KCND2: variants seen among roughly 807,000 people sequenced by gnomAD.
The protein encoded by KCND2 is potassium voltage-gated channel subfamily D member 2.
In KCND2, 16 loss-of-function variants were observed where a neutral mutation model predicts 54.4. The ratio of observed to expected loss-of-function variants is 0.29; its 90% CI spans 0.20 to 0.45. The LOEUF (loss-of-function observed/expected upper bound fraction) is 0.45. KCND2 is among the 20% of genes least tolerant of loss of function. The probability of loss-of-function intolerance (pLI) is 1.00; values close to 1 mark genes in which losing one functional copy is unlikely to be tolerated. For missense variants in KCND2, 486 were observed against 824.2 expected (o/e 0.59, Z 5.02); for synonymous variants, 317 against 310.7 (o/e 1.02, Z -0.21).
intron 1 of KCND2, among the ~76,000 whole-genome samples, chr7:120,436,861 C>T (rs945762528): frequency 1.3e-5 from 2 of 152,188 alleles, no homozygotes; most frequent in Non-Finnish European, 2.9e-5. Flanking sequence ...TGTCTCAGCC[C>T]ACATGCCCAG....
At chr7:120,676,965 C>A (rs772200969) in intron 1 of KCND2, among the ~76,000 whole-genome samples, 1 of 151,634 alleles carries the variant, frequency 6.6e-6, no homozygotes, top group Non-Finnish European at 1.5e-5. Context: ...AACCTGAGAT[C>A]ATAAAATCAT....
intron 1 of KCND2, among the ~76,000 whole-genome samples, chr7:120,511,230 A>C (rs1213705106): frequency 6.6e-6 from 1 of 152,034 alleles, no homozygotes; most frequent in Non-Finnish European, 1.5e-5. Flanking sequence ...CGTCTTATCA[A>C]GGAGATCTTC....
chr7:120,704,079 A>G (rs1792435720), intron 1 of KCND2, among the ~76,000 whole-genome samples: 1 of 152,204 alleles, frequency 6.6e-6, no homozygotes, highest in South Asian at 2.1e-4. Context: ...TTTATCTCAC[A>G]TAATAATGAC....
At chr7:120,474,032 C>A (rs527465595) in intron 1 of KCND2, among the ~76,000 whole-genome samples, 2 of 152,154 alleles carry the variant, frequency 1.3e-5, no homozygotes, top group African/African-American at 4.8e-5. Flanking sequence ...TCTAATGGTG[C>A]GTCTTGCAGG....
rs145708739 is a variant in KCND2, at chr7:120,733,797, C to G, written c.1278+732C>G. Among the ~76,000 whole-genome samples the G allele has an allele frequency of 2.8e-3, 433 of 151,978 alleles. 6 individuals are homozygous for G. Among genetic ancestry groups the G allele is most frequent in the African/African-American group, 9.9e-3 (410 of 41,476 alleles). ...TTAATCCCTCTAAGAATAAGCATAG[C>G]GTACACTCAACTGTAAAATGGGGAA... is the stretch of plus-strand genomic sequence containing the variant. On this transcript the variant is annotated intron_variant, in intron 2 of 5. Coordinates refer to ENST00000331113, the MANE Select transcript of KCND2 (RefSeq NM_012281.3).
intron 1 of KCND2, among the ~76,000 whole-genome samples, chr7:120,402,170 G>A (rs1353130753): frequency 2.6e-5 from 4 of 152,082 alleles, no homozygotes; most frequent in Non-Finnish European, 5.9e-5. Context: ...TTCATTTATA[G>A]AATAGTTATA....
chr7:120,607,637 A>C (rs527405514), intron 1 of KCND2, among the ~76,000 whole-genome samples: 3 of 152,282 alleles, frequency 2.0e-5, no homozygotes, highest in South Asian at 2.1e-4. Flanking sequence ...CAATGCAATA[A>C]ATAAGATGAT....
intron 1 of KCND2, among the ~76,000 whole-genome samples, chr7:120,545,753 AT>A (rs1792034870): frequency 6.6e-6 from 1 of 151,820 alleles, no homozygotes; most frequent in South Asian, 2.1e-4. Context: ...AAAAGGTAGA[AT>A]TTGTGGGTGT....
At chr7:120,340,298 G>C (rs1800222478) in intron 1 of KCND2, among the ~76,000 whole-genome samples, 1 of 152,204 alleles carries the variant, frequency 6.6e-6, no homozygotes, top group Non-Finnish European at 1.5e-5. Flanking sequence ...TATATGTAAA[G>C]ATATTACAAT....
chr7:120,326,637 A>G (rs1406067121), intron 1 of KCND2, among the ~76,000 whole-genome samples: 2 of 152,174 alleles, frequency 1.3e-5, no homozygotes, highest in Admixed American at 1.3e-4. Context: ...ATATGAGAAT[A>G]TGGATACAAA....
intron 1 of KCND2, among the ~76,000 whole-genome samples, chr7:120,617,386 A>G (rs2116495324): frequency 6.6e-6 from 1 of 152,340 alleles, no homozygotes; most frequent in Admixed American, 6.5e-5. Context: ...AGCATACGAA[A>G]AAGATGCTCA....
intron 1 of KCND2, among the ~76,000 whole-genome samples, chr7:120,288,354 A>C (rs760651655): frequency 4.6e-5 from 7 of 152,088 alleles, no homozygotes; most frequent in Non-Finnish European, 1.0e-4. Flanking sequence ...ATATAAACAG[A>C]AGTTGATTTG....
Position 120,338,607 on chromosome 7 carries a change from A to T in KCND2, c.1115+62860A>T, listed in dbSNP as rs866731536. ...TGGGGATATGATTTTATCAACCGAAATTTTTCTTATAATGAGAAAACTTAC... is the reference window on the plus strand; with the variant it reads ...TGGGGATATGATTTTATCAACCGAATTTTTTCTTATAATGAGAAAACTTAC... On this transcript the variant is annotated intron_variant, in intron 1 of 5. Transcript: ENST00000331113. 2.0e-5 allele frequency among the ~76,000 whole-genome samples: 3 copies of T among 152,020 alleles called. No individual in the cohort carries two copies. The South Asian group carries it at 6.2e-4, about 32-fold the overall frequency.
At chr7:120,685,796 A>T (rs1430199413) in intron 1 of KCND2, among the ~76,000 whole-genome samples, 1 of 152,214 alleles carries the variant, frequency 6.6e-6, no homozygotes. Flanking sequence ...ATTATTTTAG[A>T]ACTTTCTCCT....
At chr7:120,458,303 G>A (rs776255595) in intron 1 of KCND2, among the ~76,000 whole-genome samples, 1 of 152,128 alleles carries the variant, frequency 6.6e-6, no homozygotes, top group Non-Finnish European at 1.5e-5. Flanking sequence ...ACAGGTTTGG[G>A]TCTAAGACAC....
At chr7:120,707,827 G>C (rs569869984) in intron 1 of KCND2, among the ~76,000 whole-genome samples, 1 of 151,918 alleles carries the variant, frequency 6.6e-6, no homozygotes, top group South Asian at 2.2e-4. Context: ...CTACTGATAA[G>C]GTAGGCGAAG....
intron 1 of KCND2, among the ~76,000 whole-genome samples, chr7:120,584,464 CA>C (rs1255845530): frequency 2.0e-5 from 3 of 152,284 alleles, no homozygotes; most frequent in East Asian, 3.9e-4. Flanking sequence ...AGCATTCACG[CA>C]GCTAAAATGG....
At chr7:120,386,633 T>A (rs1398586565) in intron 1 of KCND2, among the ~76,000 whole-genome samples, 1 of 152,182 alleles carries the variant, frequency 6.6e-6, no homozygotes, top group Non-Finnish European at 1.5e-5. Context: ...TGAGATCCAG[T>A]CTTCCTTTCT....
At chr7:120,392,573 A>G in intron 1 of KCND2, among the ~76,000 whole-genome samples, 1 of 151,786 alleles carries the variant, frequency 6.6e-6, no homozygotes, top group East Asian at 1.9e-4. Flanking sequence ...TGTTATTTGA[A>G]TGTTATGAAT....
Sources: allele counts gnomAD v4.1 joint callset (sites outside exome capture counted in the v4.1 genomes callset), GRCh38; gene constraint gnomAD v4.1.1; transcripts MANE v1.5; gene names NCBI Gene and HGNC (gene_info 2026-07-23, HGNC 2026-07-21).